Variants in HMGXB3 observed in about 807,000 individuals in gnomAD.
The protein encoded by HMGXB3 is HMG domain-containing protein 3.
In HMGXB3, 45 loss-of-function variants were observed where a neutral mutation model predicts 121.5. The observed-to-expected ratio is 0.37, with a 90% CI of 0.29 to 0.47. The LOEUF (loss-of-function observed/expected upper bound fraction) is 0.47, where lower values mean the gene tolerates loss of function less well. Among genes scored for constraint, HMGXB3 ranks in the 20% least tolerant of loss-of-function variants. The pLI, the probability that HMGXB3 is intolerant of heterozygous loss-of-function variation, is 0.99. For synonymous variants in HMGXB3, 590 were observed against 624.1 expected, an observed-to-expected ratio of 0.95 and a Z score of 0.81; for missense variants, 1,376 against 1,602.2, an observed-to-expected ratio of 0.86 and a Z score of 2.41.
At chr5:150,005,598 C>CAAAAAAAA (rs760181326) in intron 2 of HMGXB3, among the ~76,000 whole-genome samples, 3 of 81,992 alleles carry the variant, frequency 3.7e-5, no homozygotes, top group Admixed American at 1.2e-4. Flanking sequence ...AAACTCCTCT[C>CAAAAAAAA]AAAAAAAAAA....
intron 16 of HMGXB3, among the ~76,000 whole-genome samples, chr5:150,046,562 C>T (rs903089153): frequency 1.9e-4 from 29 of 152,296 alleles, no homozygotes; most frequent in African/African-American, 6.5e-4. Context: ...CCTGTAATCC[C>T]AGCACTTTGG....
At position 150,027,096 on chromosome 5, in the gene HMGXB3, A is replaced by T; in HGVS notation, c.1713A>T (p.Pro571=). The change falls in exon 9 of 20, where the codon CCA becomes CCT. Residue 571 remains proline (P), a synonymous_variant. Transcript: ENST00000502717. ...AGCTGGGCCAGCCCATTCAACAGCC[A>T]TCTGGCCCTGGTGAGGTGAAGGTAA... ...LKQLGQPIQQ[P]SGPGEVKLPS... The T allele has an allele frequency of 1.3e-6, 2 of 1,551,622 alleles. No homozygotes were observed. Among genetic ancestry groups the T allele is most frequent in the Non-Finnish European group, 1.7e-6 (2 of 1,146,990 alleles).
intron 2 of HMGXB3, among the ~76,000 whole-genome samples, chr5:150,005,822 G>A (rs547676261): frequency 1.3e-5 from 2 of 152,290 alleles, no homozygotes; most frequent in African/African-American, 2.4e-5. Context: ...CAAAGGCTGC[G>A]TAGAGGAGCA....
chr5:150,048,179 A>C (rs2113763018), intron 17 of HMGXB3, among the ~76,000 whole-genome samples: 1 of 152,348 alleles, frequency 6.6e-6, no homozygotes, highest in East Asian at 1.9e-4. Flanking sequence ...TACATAGTGT[A>C]TGTGTCTATG....
intron 17 of HMGXB3, among the ~76,000 whole-genome samples, chr5:150,048,249 T>C (rs920039857): frequency 2.0e-5 from 3 of 152,262 alleles, no homozygotes; most frequent in African/African-American, 7.2e-5. Context: ...GAAAATGTTA[T>C]GCTTCCTTCA....
intron 1 of HMGXB3, among the ~76,000 whole-genome samples, chr5:150,003,946 T>C (rs1442596360): frequency 6.6e-6 from 1 of 151,436 alleles, no homozygotes; most frequent in Non-Finnish European, 1.5e-5. Flanking sequence ...AGACCCTGTC[T>C]CAAAAAACAA....
chr5:150,015,022 G>T, intron 5 of HMGXB3: 1 of 559,964 alleles, frequency 1.8e-6, no homozygotes, highest in Non-Finnish European at 2.9e-6. Context: ...ACCAATGATT[G>T]CCCCTTTTTG....
At chr5:150,041,069 A>G (rs1304478308) in intron 14 of HMGXB3, among the ~76,000 whole-genome samples, 190 bp downstream of exon 14, 1 of 152,208 alleles carries the variant, frequency 6.6e-6, no homozygotes, top group African/African-American at 2.4e-5. Context: ...GAAAGCATGA[A>G]TCTTTTTGTG....
intron 11 of HMGXB3, among the ~76,000 whole-genome samples, chr5:150,035,838 A>G (rs6866616): frequency 0.55 from 82,962 of 151,818 alleles, 25,537 homozygotes; most frequent in Non-Finnish European, 0.69. Context: ...CTGGTATACA[A>G]AATTACCTTG....
intron 10 of HMGXB3, among the ~76,000 whole-genome samples, chr5:150,031,615 T>C (rs1756382397): frequency 6.6e-6 from 1 of 152,260 alleles, no homozygotes; most frequent in Non-Finnish European, 1.5e-5. Context: ...ACCAGCAAGA[T>C]GTCTTTTGGC....
chr5:150,047,669 A>G lies in HMGXB3; in HGVS notation c.2996A>G (p.Lys999Arg), dbSNP rs1262085236. 3 of 1,551,742 alleles carry G rather than the reference A, an allele frequency of 1.9e-6. No homozygotes were observed. In the South Asian group the frequency reaches 3.6e-5, roughly 18 times the overall value. The change falls in exon 17 of 20, where the codon AAG becomes AGG. Residue 999 changes from lysine to arginine, a missense_variant. By Grantham distance (26) the Lys-to-Arg change is conservative. Transcript: ENST00000502717. ...AGGCTGCTCCAGGAGGGCACCTGCA[A>G]GCTTGATGAGATTGGCTCCTACAGT... Reference protein sequence around the residue: ...LVRLLQEGTCKLDEIGSYSEE... With the variant: ...LVRLLQEGTCRLDEIGSYSEE...
intron 9 of HMGXB3, among the ~76,000 whole-genome samples, chr5:150,028,152 CA>C (rs1249774007): frequency 6.6e-6 from 1 of 151,996 alleles, no homozygotes; most frequent in Non-Finnish European, 1.5e-5. Context: ...CAACTGGAAG[CA>C]AAGGCAGGAA....
At chr5:150,008,882 A>G (rs978244841) in intron 3 of HMGXB3, among the ~76,000 whole-genome samples, 5 of 152,200 alleles carry the variant, frequency 3.3e-5, no homozygotes, top group Non-Finnish European at 7.3e-5. Context: ...GATTCAGTCC[A>G]TCTGCTTTTA....
intron 3 of HMGXB3, among the ~76,000 whole-genome samples, chr5:150,009,462 C>T (rs1399731850): frequency 6.6e-6 from 1 of 152,160 alleles, no homozygotes; most frequent in African/African-American, 2.4e-5. Flanking sequence ...GACCTTGTCA[C>T]ATAACCCCTT....
rs1323522673 is a variant in HMGXB3, at chr5:150,010,355, A to G, written c.557A>G (p.Glu186Gly). The change falls in exon 4 of 20, where the codon GAG becomes GGG. Residue 186 changes from glutamate (E) to glycine (G), a missense_variant. Glu to Gly is a moderately conservative substitution (Grantham distance 98). Around this residue, in one of 2 missense-constraint regions of HMGXB3, gnomAD observed 1,116 missense variants for 1,369.0 expected, o/e 0.82. Transcript: ENST00000502717. ...AGMAEQCLAVEALAEEVGALT... is the reference protein window; with the variant it reads ...AGMAEQCLAVGALAEEVGALT... ...ATGGCAGAGCAGTGCCTGGCTGTGG[A>G]GGCCCTGGCTGAGGAGGTGGGAGCC... 3 of 1,551,626 alleles carry G rather than the reference A, an allele frequency of 1.9e-6. No homozygotes were observed. The highest frequency in any genetic ancestry group is 2.6e-6 in the Non-Finnish European group (3 of 1,146,984).
intron 3 of HMGXB3, among the ~76,000 whole-genome samples, 200 bp from the exon 4 acceptor site, chr5:150,009,911 A>C (rs1755789585): frequency 6.6e-6 from 1 of 152,164 alleles, no homozygotes; most frequent in Non-Finnish European, 1.5e-5. Flanking sequence ...ACATTGGCTA[A>C]AGTGTGATTC....
intron 16 of HMGXB3, among the ~76,000 whole-genome samples, chr5:150,046,287 T>C (rs1756752840): frequency 6.6e-6 from 1 of 152,242 alleles, no homozygotes; most frequent in Admixed American, 6.5e-5. Context: ...GTTAGAGTGA[T>C]AGCCGCCTTT....
chr5:150,039,770 T>A (rs991435894), intron 13 of HMGXB3, among the ~76,000 whole-genome samples: 1 of 152,230 alleles, frequency 6.6e-6, no homozygotes, highest in East Asian at 1.9e-4. Flanking sequence ...TTTTGCTTTT[T>A]AAAAAATATT....
intron 3 of HMGXB3, among the ~76,000 whole-genome samples, chr5:150,009,142 CAT>C (rs1471511451): frequency 3.3e-5 from 5 of 152,122 alleles, no homozygotes; most frequent in African/African-American, 1.2e-4. Context: ...AAAAATAAAA[CAT>C]AAATGACTTT....
Sources: allele counts gnomAD v4.1 joint callset (sites outside exome capture counted in the v4.1 genomes callset), GRCh38; gene constraint gnomAD v4.1.1; regional missense constraint gnomAD v4.1.1; transcripts MANE v1.5; gene names NCBI Gene and HGNC (gene_info 2026-07-23, HGNC 2026-07-21).